Variants in PRKCH observed in about 807,000 individuals in gnomAD.
PRKCH encodes protein kinase C eta type.
In PRKCH, 28 loss-of-function variants were observed where a neutral mutation model predicts 82.5. The ratio of observed to expected loss-of-function variants is 0.34; its 90% CI spans 0.25 to 0.47. The LOEUF is 0.47. Ranked by LOEUF, PRKCH falls within the 20% of genes least tolerant of loss-of-function variation. The probability of loss-of-function intolerance (pLI) is 1.00; values close to 1 mark genes in which losing one functional copy is unlikely to be tolerated. For missense variants in PRKCH, 705 were observed against 881.8 expected (o/e 0.80, Z 2.54); for synonymous variants, 322 against 327.4 (o/e 0.98, Z 0.18).
At chr14:61,267,199 TCTAA>T (rs1438998238) in intron 1 of PRKCH, among the ~76,000 whole-genome samples, 2 of 152,190 alleles carry the variant, frequency 1.3e-5, no homozygotes, top group Admixed American at 1.3e-4. Context: ...TGTCTGATAG[TCTAA>T]CTTTATTTCC....
rs1228386121 is a variant in PRKCH at position 61,210,113 on chromosome 14, TATATATATATATATATATATATATATATA to T, written c.-19+22446_-19+22474del. Among the ~76,000 whole-genome samples the T allele has an allele frequency of 1.6e-3, 11 of 6,804 alleles. No individual in the cohort carries two copies. The Admixed American group carries it at 0.019, about 12-fold the overall frequency. 4.5% of individuals were successfully genotyped at this position (6,804 alleles called of 152,430 possible). On this transcript the variant is annotated intron_variant, in intron 1 of 3. Coordinates refer to the PRKCH transcript ENST00000555185. ...AAAACAAAACAAACAAACAAACAAA[TATATATATATATATATATATATATATATA>T]TATATATATATATATATATAAATTA...
At chr14:61,502,881 A>G (rs1886981255) in intron 10 of PRKCH, among the ~76,000 whole-genome samples, 2 of 152,024 alleles carry the variant, frequency 1.3e-5, no homozygotes, top group South Asian at 4.1e-4. Flanking sequence ...CGAGCAGCAG[A>G]GGAAGGCAGG....
Position 61,471,888 on chromosome 14 carries a change from T to C in PRKCH, c.1279-13614T>C, listed in dbSNP as rs774464644. On this transcript the variant is annotated intron_variant, in intron 9 of 13. Coordinates refer to ENST00000332981, the MANE Select transcript of PRKCH (RefSeq NM_006255.5). ...GACTGTCAGGTGATTGTCTTTGGTATGAAAAGTCAAATGGGTTAGACGATC... is the reference window on the plus strand; with the variant it reads ...GACTGTCAGGTGATTGTCTTTGGTACGAAAAGTCAAATGGGTTAGACGATC... Among the ~76,000 whole-genome samples the C allele has an allele frequency of 4.6e-5, 7 of 152,228 alleles. No individual in the cohort carries two copies. The South Asian group carries it at 1.2e-3, about 27-fold the overall frequency.
chr14:61,200,469 T>C (rs942731435), intron 1 of PRKCH, among the ~76,000 whole-genome samples: 1 of 151,964 alleles, frequency 6.6e-6, no homozygotes, highest in African/African-American at 2.4e-5. Flanking sequence ...ATCTGAGGAA[T>C]AGAAAAAAGC....
intron 10 of PRKCH, among the ~76,000 whole-genome samples, chr14:61,517,204 T>TTCTCTTTCC (rs1365142175): frequency 6.6e-6 from 1 of 152,208 alleles, no homozygotes; most frequent in African/African-American, 2.4e-5. Flanking sequence ...CCGTAAATTC[T>TTCTCTTTCC]TCTCTTTCCT....
chr14:61,416,779 A>C lies in PRKCH; in HGVS notation c.427+25491A>C, dbSNP rs185366092. Reference sequence around the variant, plus strand: ...GCCCTTAGCTTTCTGTTGGGGAGAGAATAGTCTGCCACCTGAAACACTGCA... The same window carrying C: ...GCCCTTAGCTTTCTGTTGGGGAGAGCATAGTCTGCCACCTGAAACACTGCA... On this transcript the variant is annotated intron_variant, in intron 2 of 13. Transcript: ENST00000332981. Among the ~76,000 whole-genome samples the C allele has an allele frequency of 4.6e-3, 697 of 152,120 alleles. 3 individuals are homozygous for C. The highest frequency in any genetic ancestry group is 8.2e-3 in the Non-Finnish European group (561 of 68,014).
intron 1 of PRKCH, chr14:61,279,318 T>G (rs1405762809): frequency 6.6e-6 from 1 of 152,234 alleles, no homozygotes; most frequent in Non-Finnish European, 1.5e-5. Context: ...GCTTCCTACG[T>G]TCAAGGCAGA....
At chr14:61,317,357 T>C (rs2045571360), upstream of PRKCH, among the ~76,000 whole-genome samples, 1 of 152,206 alleles carries the variant, frequency 6.6e-6, no homozygotes, top group Non-Finnish European at 1.5e-5. Context: ...CTAACAGGCT[T>C]CCACTCACAA....
intron 12 of PRKCH, chr14:61,544,639 A>G (rs2043230891): frequency 6.6e-6 from 1 of 152,210 alleles, no homozygotes. Flanking sequence ...AGCGGAGCCC[A>G]TCAGCCTCCC....
chr14:61,215,289 C>T (rs1197201786), intron 1 of PRKCH, among the ~76,000 whole-genome samples: 1 of 152,104 alleles, frequency 6.6e-6, no homozygotes, highest in Non-Finnish European at 1.5e-5. Context: ...GGGTCACATC[C>T]AACTGACCAA....
At chr14:61,521,955 T>G (rs1423661340) in intron 10 of PRKCH, among the ~76,000 whole-genome samples, 1 of 152,186 alleles carries the variant, frequency 6.6e-6, no homozygotes, top group South Asian at 2.1e-4. Context: ...TCTCCTGAGG[T>G]GAACTCATCC....
At chr14:61,462,820 C>T (rs1229928348) in intron 9 of PRKCH, among the ~76,000 whole-genome samples, 1 of 152,200 alleles carries the variant, frequency 6.6e-6, no homozygotes, top group African/African-American at 2.4e-5. Context: ...TTTGTAAAAA[C>T]AGCACTCTCC....
intron 10 of PRKCH, among the ~76,000 whole-genome samples, chr14:61,525,973 C>A (rs1386690920): frequency 6.6e-6 from 1 of 152,126 alleles, no homozygotes; most frequent in Non-Finnish European, 1.5e-5. Flanking sequence ...CTACTGTGTG[C>A]CCGCAGTCCC....
intron 2 of PRKCH, among the ~76,000 whole-genome samples, chr14:61,430,989 C>A (rs1169590256): frequency 6.6e-6 from 1 of 152,132 alleles, no homozygotes; most frequent in African/African-American, 2.4e-5. Context: ...CTCCTGACCT[C>A]GCGATCCGCC....
At chr14:61,393,740 A>G (rs1256811947) in intron 2 of PRKCH, among the ~76,000 whole-genome samples, 1 of 152,220 alleles carries the variant, frequency 6.6e-6, no homozygotes, top group South Asian at 2.1e-4. Flanking sequence ...GTCATCTGGT[A>G]GGCTTGAATT....
intron 12 of PRKCH, among the ~76,000 whole-genome samples, chr14:61,533,874 A>T (rs138794866): frequency 1.6e-4 from 24 of 152,356 alleles, no homozygotes; most frequent in African/African-American, 5.5e-4. Flanking sequence ...TTGTCATATT[A>T]GGAGGAGGGT....
chr14:61,453,481 TTTC>T lies in PRKCH; in HGVS notation c.960+131_960+133del, dbSNP rs1392310202. On this transcript the variant is annotated intron_variant, in intron 7 of 13. Transcript: ENST00000332981. ...AAATACAATAAACAGACTTATTGCCTTTCTTTCTTTCTTTCTCTTTCTTTCTTT... is the reference window on the plus strand; with the variant it reads ...AAATACAATAAACAGACTTATTGCCTTTTCTTTCTTTCTCTTTCTTTCTTT... 1.3e-5 allele frequency: 10 copies of T among 781,468 alleles called. No homozygotes were observed. In the African/African-American group the frequency reaches 6.3e-4, roughly 49 times the overall value. 48.4% of individuals were successfully genotyped at this position (781,468 alleles called of 1,614,324 possible). A position where few individuals can be genotyped will look rare whatever the true frequency, so the allele number is the denominator to read the frequency against.
chr14:61,489,633 G>A (rs1470165446), intron 10 of PRKCH, among the ~76,000 whole-genome samples: 1 of 152,174 alleles, frequency 6.6e-6, no homozygotes, highest in African/African-American at 2.4e-5. Flanking sequence ...AGAGTAGGCT[G>A]GGAAGGAGGC....
At chr14:61,442,663 A>G (rs1441928933) in intron 2 of PRKCH, 1 of 153,838 alleles carries the variant, frequency 6.5e-6, no homozygotes, top group Non-Finnish European at 1.4e-5. Flanking sequence ...GGGTGCGGTG[A>G]CACACACTTG....
Sources: allele counts gnomAD v4.1 joint callset (sites outside exome capture counted in the v4.1 genomes callset), GRCh38; gene constraint gnomAD v4.1.1; transcripts MANE v1.5; gene names NCBI Gene and HGNC (gene_info 2026-07-23, HGNC 2026-07-21).